Variants in ST6GALNAC3 observed in about 807,000 individuals in gnomAD.
ST6GALNAC3 encodes ST6 N-acetylgalactosaminide alpha-2,6-sialyltransferase 3.
Under a neutral mutation model 32.7 loss-of-function variants are expected in ST6GALNAC3, and 25 were observed. The ratio of observed to expected loss-of-function variants is 0.76; its 90% CI spans 0.56 to 1.07. The LOEUF is 1.07. Among genes scored for constraint, ST6GALNAC3 ranks in the 50% least tolerant of loss-of-function variants. The probability of loss-of-function intolerance (pLI) is 0.00; values close to 1 mark genes in which losing one functional copy is unlikely to be tolerated. For missense variants in ST6GALNAC3, 355 were observed against 382.4 expected (o/e 0.93, Z 0.60); for synonymous variants, 129 against 133.1 (o/e 0.97, Z 0.21).
chr1:76,378,420 G>A (rs1417057965), intron 2 of ST6GALNAC3, among the ~76,000 whole-genome samples: 1 of 152,086 alleles, frequency 6.6e-6, no homozygotes, highest in African/African-American at 2.4e-5. Flanking sequence ...CCAGCACTTT[G>A]GGAGGCCAAG....
At chr1:76,112,961 C>G (rs979561146) in intron 1 of ST6GALNAC3, among the ~76,000 whole-genome samples, 2 of 152,160 alleles carry the variant, frequency 1.3e-5, no homozygotes, top group African/African-American at 2.4e-5. Flanking sequence ...GCTGCAATCT[C>G]GGCACTTTGG....
intron 2 of ST6GALNAC3, among the ~76,000 whole-genome samples, chr1:76,396,766 A>G (rs994063471): frequency 1.3e-5 from 2 of 152,212 alleles, no homozygotes; most frequent in Non-Finnish European, 2.9e-5. Flanking sequence ...GGAAGATACT[A>G]AGAAAGTTCC....
Position 76,402,820 on chromosome 1 carries a change from TTC to T in ST6GALNAC3, c.214-9183_214-9182del, listed in dbSNP as rs1207075356. Among the ~76,000 whole-genome samples, 4 of 152,246 alleles carry T rather than the reference TTC, an allele frequency of 2.6e-5. No individual in the cohort carries two copies. In the East Asian group the frequency reaches 7.7e-4, roughly 29 times the overall value. ...CCTTTCTTATAAAGTAACCTGTTTC[TTC>T]TCTCATTCTTGATTCATTGTTCCTG... On this transcript the variant is annotated intron_variant, in intron 2 of 4. Coordinates refer to ENST00000328299, the MANE Select transcript of ST6GALNAC3 (RefSeq NM_152996.4).
intron 2 of ST6GALNAC3, among the ~76,000 whole-genome samples, chr1:76,399,621 T>C (rs1653249131): frequency 6.6e-6 from 1 of 152,166 alleles, no homozygotes; most frequent in Admixed American, 6.5e-5. Flanking sequence ...AATCTTGTGG[T>C]ATTTGGGGAT....
chr1:76,236,353 G>A (rs1215897367), intron 1 of ST6GALNAC3, among the ~76,000 whole-genome samples: 3 of 152,182 alleles, frequency 2.0e-5, no homozygotes, highest in African/African-American at 7.2e-5. Context: ...AGTTTTGGAA[G>A]AATACAATTC....
intron 1 of ST6GALNAC3, among the ~76,000 whole-genome samples, chr1:76,279,915 G>A (rs1570674305): frequency 6.6e-6 from 1 of 152,228 alleles, no homozygotes; most frequent in East Asian, 1.9e-4. Context: ...TTCTGTGTTT[G>A]TGTTTTCCTA....
At chr1:76,183,489 C>T (rs915764688) in intron 1 of ST6GALNAC3, among the ~76,000 whole-genome samples, 8 of 151,706 alleles carry the variant, frequency 5.3e-5, no homozygotes, top group Admixed American at 2.0e-4. Flanking sequence ...TGGATGTAGA[C>T]AAGTAATGAG....
At chr1:76,089,330 C>T (rs570664837) in intron 1 of ST6GALNAC3, among the ~76,000 whole-genome samples, 19 of 152,310 alleles carry the variant, frequency 1.2e-4, no homozygotes, top group East Asian at 7.7e-4. Context: ...GGATTACAGG[C>T]ATAAGCCACC....
At chr1:76,362,138 G>A (rs965049914) in intron 2 of ST6GALNAC3, among the ~76,000 whole-genome samples, 1 of 152,064 alleles carries the variant, frequency 6.6e-6, no homozygotes, top group East Asian at 1.9e-4. Flanking sequence ...AATAATAATG[G>A]AAGACAAAAA....
chr1:76,138,837 C>T (rs990117149), intron 1 of ST6GALNAC3, among the ~76,000 whole-genome samples: 1 of 152,106 alleles, frequency 6.6e-6, no homozygotes, highest in African/African-American at 2.4e-5. Flanking sequence ...GCAGCCAAAA[C>T]CAGTTTGTAA....
At chr1:76,296,895 C>T (rs1032305669) in intron 1 of ST6GALNAC3, among the ~76,000 whole-genome samples, 3 of 151,868 alleles carry the variant, frequency 2.0e-5, no homozygotes, top group African/African-American at 7.3e-5. Context: ...GTGCAGTTGC[C>T]CCATAAATGT....
intron 3 of ST6GALNAC3, among the ~76,000 whole-genome samples, chr1:76,439,396 A>C (rs185457096): frequency 3.7e-4 from 56 of 152,340 alleles, no homozygotes; most frequent in Admixed American, 1.2e-3. Flanking sequence ...CAAATGAAAA[A>C]AGGAAGTTTG....
chr1:76,078,268 T>G (rs1217112384), intron 1 of ST6GALNAC3, among the ~76,000 whole-genome samples: 4 of 152,152 alleles, frequency 2.6e-5, no homozygotes, highest in African/African-American at 9.7e-5. Flanking sequence ...AGATATTGAT[T>G]AAAGTATCAT....
intron 3 of ST6GALNAC3, among the ~76,000 whole-genome samples, chr1:76,517,556 T>G (rs1194014370): frequency 6.6e-6 from 1 of 151,952 alleles, no homozygotes; most frequent in Non-Finnish European, 1.5e-5. Context: ...TTTTAAAGGC[T>G]TACTGTAAAT....
rs143741783 is a variant in ST6GALNAC3 at position 76,086,979 on chromosome 1, T to G, written c.18+12095T>G. On this transcript the variant is annotated intron_variant, in intron 1 of 4. Coordinates refer to ENST00000328299, the MANE Select transcript of ST6GALNAC3 (RefSeq NM_152996.4). ...GCAAGTACCTGAACCATTGCCACTTTATATGTGCTGCCTTATTTATTTTTC... is the reference window on the plus strand; with the variant it reads ...GCAAGTACCTGAACCATTGCCACTTGATATGTGCTGCCTTATTTATTTTTC... Among the ~76,000 whole-genome samples, 320 of 152,350 alleles carry G rather than the reference T, an allele frequency of 2.1e-3. 1 individual carries two copies. The highest frequency in any genetic ancestry group is 3.2e-3 in the Non-Finnish European group (220 of 68,026).
At chr1:76,434,747 A>G (rs189343969) in intron 3 of ST6GALNAC3, among the ~76,000 whole-genome samples, 318 of 149,000 alleles carry the variant, frequency 2.1e-3, no homozygotes, top group Middle Eastern at 3.6e-3. Context: ...ATGAGCTGTC[A>G]CTAGAAGATG....
chr1:76,422,575 A>C (rs1398817508), intron 3 of ST6GALNAC3, among the ~76,000 whole-genome samples: 1 of 151,978 alleles, frequency 6.6e-6, no homozygotes, highest in Non-Finnish European at 1.5e-5. Flanking sequence ...TTGCATCAGA[A>C]TTACAAGGGG....
intron 3 of ST6GALNAC3, among the ~76,000 whole-genome samples, chr1:76,490,895 G>T (rs1393109705): frequency 1.4e-5 from 2 of 146,900 alleles, no homozygotes; most frequent in African/African-American, 5.0e-5. Flanking sequence ...TTTGACTCTT[G>T]TTGCCCAGGC....
intron 1 of ST6GALNAC3, among the ~76,000 whole-genome samples, chr1:76,116,536 T>A (rs1342995542): frequency 6.6e-6 from 1 of 152,130 alleles, no homozygotes; most frequent in South Asian, 2.1e-4. Context: ...TTGGGGGTGT[T>A]GGAATTGGAT....
Sources: gnomAD v4.1 joint callset for allele counts (sites outside exome capture counted in the v4.1 genomes callset) on GRCh38, gnomAD v4.1.1 for gene constraint, MANE v1.5 for transcripts, NCBI Gene and HGNC (gene_info 2026-07-23, HGNC 2026-07-21) for gene names.